The following CARD14 variants were observed in gnomAD, a reference collection of about 807,000 sequenced individuals.
CARD14 encodes caspase recruitment domain family member 14.
In CARD14, 107 loss-of-function variants were observed where a neutral mutation model predicts 111.5. The observed-to-expected ratio is 0.96, with a 90% CI of 0.82 to 1.13. The LOEUF (loss-of-function observed/expected upper bound fraction) is 1.13. CARD14 is among the 50% of genes most tolerant of loss of function. The pLI is 0.00. For missense variants in CARD14, 1,322 were observed against 1,362.3 expected (o/e 0.97, Z 0.47); for synonymous variants, 617 against 579.6 (o/e 1.06, Z -0.93).
rs746351148 is a variant in CARD14, at chr17:80,195,228, G to A, written c.1394G>A (p.Arg465His). Residue 465 changes from arginine to histidine, a missense_variant, in exon 13 of 24, where the codon CGC becomes CAC. Arg to His is a conservative substitution (Grantham distance 29). Coordinates refer to ENST00000648509, the MANE Select transcript of CARD14 (RefSeq NM_001366385.1). The surrounding 1 kb of genome is among the most constrained non-coding windows in gnomAD (Gnocchi z 4.7). ...TCGGACCTGAGTGCCACGTCCAGCC[G>A]CGAGCTGGTGGACAGCTTCCGCTCC... is the stretch of plus-strand genomic sequence containing the variant. ...LLSDLSATSS[R>H]ELVDSFRSSS... is the part of the protein sequence containing the mutation. The A allele has an allele frequency of 3.0e-5, 49 of 1,611,336 alleles. 1 individual carries two copies. Among genetic ancestry groups the A allele is most frequent in the Middle Eastern group, 1.7e-4 (1 of 5,822 alleles).
intron 2 of CARD14, among the ~76,000 whole-genome samples, chr17:80,177,218 C>CTCT (rs1312609616): frequency 2.6e-5 from 4 of 152,078 alleles, no homozygotes; most frequent in African/African-American, 9.6e-5. Context: ...CCTTCTCCTC[C>CTCT]TCTTCTTCTT....
Position 80,205,260 on chromosome 17 carries a change from T to G in CARD14, c.2569+55T>G, listed in dbSNP as rs1282537332. The G allele has an allele frequency of 1.6e-5, 19 of 1,184,088 alleles. No homozygotes were observed. In the East Asian group the frequency reaches 5.9e-4, roughly 37 times the overall value. 73.3% of individuals were successfully genotyped at this position (1,184,088 alleles called of 1,614,324 possible). ...CCTTCCACCTTCCCTCCCTCCCTCC[T>G]CCCCTTCCTCCCTCCTTCCTCCCCT... is the stretch of plus-strand genomic sequence containing the variant. On this transcript the variant is annotated intron_variant, in intron 21 of 23. Coordinates refer to ENST00000648509, the MANE Select transcript of CARD14 (RefSeq NM_001366385.1).
chr17:80,171,205 CCCTTCCTTCCTT>C (rs59738447), intron 1 of CARD14, among the ~76,000 whole-genome samples: 2,639 of 40,394 alleles, frequency 0.065, 378 homozygotes, highest in Middle Eastern at 0.14. Flanking sequence ...CTCCCTCCCT[CCCTTCCTTCCTT>C]CCTTCCTTCC....
At chr17:80,199,934 T>A (rs1026825052) in intron 16 of CARD14, among the ~76,000 whole-genome samples, 4 of 151,506 alleles carry the variant, frequency 2.6e-5, no homozygotes, top group Non-Finnish European at 4.4e-5. Context: ...ATGAAAAAAA[T>A]TTTAAACCAA....
rs371883891 is a variant in CARD14 at position 80,203,564 on chromosome 17, C to T, written c.2220-258C>T. On this transcript the variant is annotated intron_variant, in intron 18 of 23. Transcript: ENST00000648509. The surrounding 1 kb of genome is among the most constrained non-coding windows in gnomAD (Gnocchi z 4.6). ...GTACGCTGGCTGCTCAACAGCACCC[C>T]CTGGGTCCCGCCCCAGGACAAGTAA... 3 of 449,964 alleles carry T rather than the reference C, an allele frequency of 6.7e-6. No individual in the cohort carries two copies. The highest frequency in any genetic ancestry group is 8.5e-5 in the South Asian group (2 of 23,556). The allele number at this position is 449,964 out of a possible 1,614,324, so 27.9% of individuals were successfully genotyped here.
At chr17:80,204,888 T>A in intron 20 of CARD14, 147 bp from the exon 21 acceptor site, 2 of 662,124 alleles carry the variant, frequency 3.0e-6, no homozygotes, top group Non-Finnish European at 5.0e-6. Context: ...TGGGAGTGAG[T>A]CCTGTGACCG....
At position 80,198,610 on chromosome 17, in the gene CARD14, C is replaced by T. The variant is rs758886924; in HGVS notation, c.1851+19C>T. ...TGTGATGGTGAGCCGTGCGAGGCCC[C>T]TCCTGTCCCCCGGGCTCCTCATGGG... On this transcript the variant is annotated intron_variant, in intron 16 of 23. Coordinates refer to ENST00000648509, the MANE Select transcript of CARD14 (RefSeq NM_001366385.1). The surrounding 1 kb of genome is among the most constrained non-coding windows in gnomAD (Gnocchi z 7.5). 10 of 1,610,802 alleles carry T rather than the reference C, an allele frequency of 6.2e-6. No homozygotes were observed. In the South Asian group the frequency reaches 7.7e-5, roughly 12 times the overall value.
In CARD14 at chr17:80,195,331, C is replaced by T; in HGVS notation, c.1497C>T (p.Phe499=). ...AEDFGEEPWS[F]SSCLEIPEGD... is the part of the protein sequence containing the mutation. Reference sequence around the variant, plus strand: ...ACTTCGGGGAAGAACCCTGGTCTTTCAGGTAGAGCACTGGGGTCCTTCCTG... The same window carrying T: ...ACTTCGGGGAAGAACCCTGGTCTTTTAGGTAGAGCACTGGGGTCCTTCCTG... The change falls in exon 13 of 24, where the codon TTC becomes TTT. Residue 499 remains phenylalanine, a splice_region_variant and synonymous_variant. Coordinates refer to ENST00000648509, the MANE Select transcript of CARD14 (RefSeq NM_001366385.1). This position sits in a 1 kb window ranked among gnomAD's most constrained non-coding sequence, Gnocchi z 4.7. 1 of 1,610,002 alleles carries T rather than the reference C, an allele frequency of 6.2e-7. No homozygotes were observed. Among genetic ancestry groups the T allele is most frequent in the Non-Finnish European group, 8.5e-7 (1 of 1,177,658 alleles).
In CARD14 at chr17:80,183,969, C is replaced by T. The variant is rs758409309; in HGVS notation, c.406C>T (p.Gln136Ter). 1.1e-5 allele frequency: 17 copies of T among 1,562,358 alleles called. 2 individuals are homozygous for T. In the South Asian group the frequency reaches 1.7e-4, roughly 16 times the overall value. Residue 136 changes from glutamine (Q) to a stop codon, truncating the protein, a stop_gained, in exon 7 of 24, where the codon CAG becomes TAG. Transcript: ENST00000648509. LOFTEE classifies it high-confidence loss of function. ...ECLAGAIGSLQEELNQEKGQK... is the reference protein window; with the variant it reads ...ECLAGAIGSL ...CCTGGCTGGGGCCATCGGCAGCCTG[C>T]AGGAGGAGCTGAACCAGGAAAAGGG...
intron 7 of CARD14, among the ~76,000 whole-genome samples, chr17:80,185,513 C>T (rs1185527994): frequency 1.3e-5 from 2 of 152,138 alleles, no homozygotes; most frequent in Non-Finnish European, 2.9e-5. Context: ...CTCTCGTGGC[C>T]CTTTATGTCT....
chr17:80,208,341 G>A lies in CARD14; in HGVS notation c.3011G>A (p.Arg1004Gln), dbSNP rs370758101. 2.5e-5 allele frequency: 40 copies of A among 1,593,168 alleles called. No individual in the cohort carries two copies. The highest frequency in any genetic ancestry group is 6.9e-5 in the Admixed American group (4 of 57,884). The part of the protein sequence containing the change: ...KKVVWTEQSP[R>Q] The stretch of plus-strand genomic sequence containing the variant: ...GTGGTGTGGACGGAGCAGAGCCCCC[G>A]ATGATGCACCGTGCCCCTTCCCGGG... The change falls in exon 24 of 24, where the codon CGA (arginine) becomes CAA (glutamine). Residue 1004 changes from arginine to glutamine, a missense_variant. Physicochemically the swap from Arg to Gln is conservative, Grantham distance 43. Transcript: ENST00000648509.
chr17:80,182,607 C>T lies in CARD14; in HGVS notation c.212-46C>T, dbSNP rs763724128. 3 of 1,608,856 alleles carry T rather than the reference C, an allele frequency of 1.9e-6. No individual in the cohort carries two copies. The highest frequency in any genetic ancestry group is 2.2e-5 in the South Asian group (2 of 90,352). On this transcript the variant is annotated intron_variant, in intron 5 of 23. Transcript: ENST00000648509. This position sits in a 1 kb window ranked among gnomAD's most constrained non-coding sequence, Gnocchi z 4.7. ...GGAAGCCAGCCAGGGAGCCCAGCCCCCTTGGTAGCTGGGTTCTGCCCAGAC... is the reference window on the plus strand; with the variant it reads ...GGAAGCCAGCCAGGGAGCCCAGCCCTCTTGGTAGCTGGGTTCTGCCCAGAC...
At chr17:80,194,024 C>CA (rs2040622311) in intron 12 of CARD14, among the ~76,000 whole-genome samples, 1 of 152,266 alleles carries the variant, frequency 6.6e-6, no homozygotes, top group South Asian at 2.1e-4. Flanking sequence ...AGCTGCCCTC[C>CA]AGCCACTCTC....
rs2040219188 is a variant in CARD14 at position 80,182,932 on chromosome 17, C to G, written c.349+142C>G. The G allele has an allele frequency of 2.0e-6, 2 of 1,019,090 alleles. No homozygotes were observed. Among genetic ancestry groups the G allele is most frequent in the Admixed American group, 2.4e-5 (1 of 40,956 alleles). 63.1% of individuals were successfully genotyped at this position (1,019,090 alleles called of 1,614,324 possible). ...CAGTTCCTGTCCCAGCCCCAGCACTCTGAGGGTGAGGAACCCCCTCACTGT... is the reference window on the plus strand; with the variant it reads ...CAGTTCCTGTCCCAGCCCCAGCACTGTGAGGGTGAGGAACCCCCTCACTGT... On this transcript the variant is annotated intron_variant, in intron 6 of 23. Coordinates refer to ENST00000648509, the MANE Select transcript of CARD14 (RefSeq NM_001366385.1). This position sits in a 1 kb window ranked among gnomAD's most constrained non-coding sequence, Gnocchi z 4.7.
rs1462117604 is a variant in CARD14, at chr17:80,207,057, G to C, written c.2779G>C (p.Val927Leu). The C allele has an allele frequency of 6.2e-7, 1 of 1,613,918 alleles. No homozygotes were observed. The highest frequency in any genetic ancestry group is 8.5e-7 in the Non-Finnish European group (1 of 1,179,910). ...DIFPIVIHVS[V>L]NEKMAKKLKK... is the part of the protein sequence containing the mutation. ...CTTCCCCATCGTCATCCACGTCTCT[G>C]TCAACGAGAAGATGGCAAAGAAGCT... Residue 927 changes from valine (V) to leucine (L), a missense_variant, in exon 23 of 24, where the codon GTC becomes CTC. Coordinates refer to ENST00000648509, the MANE Select transcript of CARD14 (RefSeq NM_001366385.1).
At chr17:80,179,374 C>T (rs556920345) in intron 4 of CARD14, 73 bp downstream of exon 4, 1 of 152,272 alleles carries the variant, frequency 6.6e-6, no homozygotes, top group Non-Finnish European at 1.5e-5. Flanking sequence ...TATCAAGCTG[C>T]ATGTATCAGT....
At chr17:80,199,420 G>GAA (rs879397254) in intron 16 of CARD14, among the ~76,000 whole-genome samples, 2 of 143,738 alleles carry the variant, frequency 1.4e-5, no homozygotes, top group South Asian at 4.4e-4. Flanking sequence ...TAAACTTTAG[G>GAA]AAAAAAAAAA....
intron 2 of CARD14, among the ~76,000 whole-genome samples, chr17:80,173,633 C>T (rs1303138366): frequency 6.6e-6 from 1 of 151,254 alleles, no homozygotes; most frequent in East Asian, 1.9e-4. Flanking sequence ...GAGTCTCGCA[C>T]TGTCACCCTG....
chr17:80,183,485 A>G (rs1461878412), intron 6 of CARD14, among the ~76,000 whole-genome samples: 2 of 152,218 alleles, frequency 1.3e-5, no homozygotes, highest in Non-Finnish European at 2.9e-5. Context: ...CATTTCAGCT[A>G]CCGAGGAGGG....
Sources: allele counts gnomAD v4.1 joint callset (sites outside exome capture counted in the v4.1 genomes callset), GRCh38; gene constraint gnomAD v4.1.1; non-coding constraint Gnocchi (gnomAD v3.1); transcripts MANE v1.5; gene names NCBI Gene and HGNC (gene_info 2026-07-23, HGNC 2026-07-21).